The following RORA variants were observed in gnomAD, a reference collection of about 807,000 sequenced individuals.
The protein encoded by RORA is RAR related orphan receptor A.
RORA carries 7 observed loss-of-function variants against 69.5 expected under a neutral mutation model. That is an observed-to-expected ratio of 0.10 (90% CI 0.06 to 0.19). RORA has a LOEUF of 0.19. Among genes scored for constraint, RORA ranks in the 10% least tolerant of loss-of-function variants. The pLI, the probability that RORA is intolerant of heterozygous loss-of-function variation, is 1.00. For synonymous variants in RORA, 261 were observed against 240.8 expected, an observed-to-expected ratio of 1.08 and a Z score of -0.78; for missense variants, 457 against 663.0, an observed-to-expected ratio of 0.69 and a Z score of 3.41.
chr15:61,229,097 G>A lies in RORA; in HGVS notation c.122C>T (p.Pro41Leu). The A allele has an allele frequency of 6.5e-7, 1 of 1,539,720 alleles. No homozygotes were observed. Among genetic ancestry groups the A allele is most frequent in the Non-Finnish European group, 8.7e-7 (1 of 1,143,454 alleles). The change falls in exon 1 of 11, where the codon CCG (proline) becomes CTG (leucine). Residue 41 changes from proline (P) to leucine (L), a missense_variant. By Grantham distance (98) the Pro-to-Leu change is moderately conservative (BLOSUM62 -3). This residue lies in a region of RORA where 119 missense variants were observed against 92.4 expected (regional missense o/e 1.29). Transcript: ENST00000335670. ...GCTCTGTCTGCGCACCGGGGCAGGCGGCTCGCTCTTGCGGGCGGATTCCTG... is the reference window on the plus strand; with the variant it reads ...GCTCTGTCTGCGCACCGGGGCAGGCAGCTCGCTCTTGCGGGCGGATTCCTG... ...LNQESARKSE[P>L]PAPVRRQSYS...
intron 1 of RORA, among the ~76,000 whole-genome samples, chr15:60,825,577 C>T (rs901519300): frequency 4.6e-5 from 7 of 152,132 alleles, no homozygotes; most frequent in African/African-American, 1.7e-4. Flanking sequence ...AGCATATACA[C>T]AGTCAGCACC....
intron 1 of RORA, among the ~76,000 whole-genome samples, chr15:60,975,906 G>T (rs72752797): frequency 0.029 from 4,407 of 152,292 alleles, 99 homozygotes; most frequent in Middle Eastern, 0.095. Context: ...TCTCAGCTAA[G>T]AGTTGGCATT....
At chr15:60,715,794 A>G (rs1407688639) in intron 1 of RORA, among the ~76,000 whole-genome samples, 1 of 152,198 alleles carries the variant, frequency 6.6e-6, no homozygotes, top group Non-Finnish European at 1.5e-5. Flanking sequence ...ACCATTTAAT[A>G]GCCAAAAATC....
At chr15:61,179,998 G>A (rs1019540056) in intron 1 of RORA, among the ~76,000 whole-genome samples, 6 of 148,284 alleles carry the variant, frequency 4.0e-5, no homozygotes, top group Admixed American at 6.7e-5. Context: ...AAAAAAAATA[G>A]CTGGGTGTGG....
chr15:60,774,667 A>C (rs547189106), intron 1 of RORA, among the ~76,000 whole-genome samples: 1 of 152,270 alleles, frequency 6.6e-6, no homozygotes, highest in African/African-American at 2.4e-5. Context: ...ATCTTCCTTT[A>C]CACTAAACTC....
intron 2 of RORA, among the ~76,000 whole-genome samples, chr15:60,617,373 C>T (rs2069272645): frequency 2.0e-5 from 3 of 152,116 alleles, no homozygotes; most frequent in African/African-American, 7.2e-5. Context: ...CCTATTTTTA[C>T]CACAGAAACA....
intron 1 of RORA, among the ~76,000 whole-genome samples, chr15:60,953,667 T>G (rs1418573770): frequency 2.7e-5 from 4 of 148,466 alleles, no homozygotes; most frequent in Non-Finnish European, 1.5e-5. Context: ...AAGACATTTA[T>G]GCAGCCAAAA....
chr15:61,008,203 C>CTCTGTGTG (rs3222396), intron 1 of RORA, among the ~76,000 whole-genome samples: 8 of 135,058 alleles, frequency 5.9e-5, no homozygotes, highest in African/African-American at 2.2e-4. Context: ...CTCTCTCTCT[C>CTCTGTGTG]TGTGTGTGTG....
At chr15:60,966,972 G>A (rs1356265267) in intron 1 of RORA, among the ~76,000 whole-genome samples, 1 of 152,086 alleles carries the variant, frequency 6.6e-6, no homozygotes, top group Admixed American at 6.5e-5. Context: ...CCACTCTTCT[G>A]CCACCTCAGC....
chr15:60,972,753 A>G (rs74019978), intron 1 of RORA, among the ~76,000 whole-genome samples: 2,545 of 152,300 alleles, frequency 0.017, 73 homozygotes, highest in African/African-American at 0.058. Flanking sequence ...TAATAATATT[A>G]CTTACTACAT....
intron 5 of RORA, among the ~76,000 whole-genome samples, chr15:60,508,790 A>G (rs758842017): frequency 2.0e-4 from 30 of 152,338 alleles, no homozygotes; most frequent in Admixed American, 6.5e-4. Context: ...TTTGCCCAGT[A>G]TATCAGCTGT....
At chr15:61,141,374 T>C (rs2079296936) in intron 1 of RORA, among the ~76,000 whole-genome samples, 1 of 152,180 alleles carries the variant, frequency 6.6e-6, no homozygotes, top group Non-Finnish European at 1.5e-5. Flanking sequence ...AATACACATG[T>C]TATGTAATCT....
intron 2 of RORA, among the ~76,000 whole-genome samples, chr15:60,625,638 T>G (rs1228796755): frequency 1.3e-5 from 2 of 152,236 alleles, no homozygotes; most frequent in African/African-American, 4.8e-5. Flanking sequence ...ACAAGGAAAT[T>G]GTGTACGAAA....
chr15:60,613,580 T>C (rs1021890024), intron 2 of RORA, among the ~76,000 whole-genome samples: 1 of 152,092 alleles, frequency 6.6e-6, no homozygotes, highest in Non-Finnish European at 1.5e-5. Context: ...GCCCACCAGA[T>C]TGCCAGGCAC....
At chr15:60,601,536 G>T (rs2068808975) in intron 2 of RORA, among the ~76,000 whole-genome samples, 1 of 152,104 alleles carries the variant, frequency 6.6e-6, no homozygotes, top group African/African-American at 2.4e-5. Context: ...GTTCCTAAAA[G>T]ACTCCAAACC....
At chr15:61,064,676 G>C (rs2078232939) in intron 1 of RORA, among the ~76,000 whole-genome samples, 1 of 152,168 alleles carries the variant, frequency 6.6e-6, no homozygotes, top group African/African-American at 2.4e-5. Flanking sequence ...GGATAGCTTT[G>C]GTGGAGACAA....
intron 1 of RORA, among the ~76,000 whole-genome samples, chr15:60,826,203 C>T (rs1271850451): frequency 6.6e-6 from 1 of 152,130 alleles, no homozygotes; most frequent in Admixed American, 6.5e-5. Flanking sequence ...AGTACTGGCA[C>T]ATGCTTGGCA....
At chr15:60,600,170 AAAGAT>A in intron 2 of RORA, among the ~76,000 whole-genome samples, 1 of 152,326 alleles carries the variant, frequency 6.6e-6, no homozygotes, top group East Asian at 1.9e-4. Context: ...ATAATGGAGA[AAAGAT>A]AAGCGGTTAC....
In RORA at chr15:60,534,908, T is replaced by C. The variant is rs1194170411; in HGVS notation, c.197-3057A>G. Among the ~76,000 whole-genome samples the C allele has an allele frequency of 6.6e-6, 1 of 152,116 alleles. No homozygotes were observed. The highest frequency in any genetic ancestry group is 1.5e-5 in the Non-Finnish European group (1 of 68,016). ...TTTTAGTCAATTTCCAGAATTCAAATGAATCCATGAGAAAAAAATGCAGTC... is the reference window on the plus strand; with the variant it reads ...TTTTAGTCAATTTCCAGAATTCAAACGAATCCATGAGAAAAAAATGCAGTC... On this transcript the variant is annotated intron_variant, in intron 2 of 10. Coordinates refer to ENST00000335670, the MANE Select transcript of RORA (RefSeq NM_134261.3). This position sits in a 1 kb window ranked among gnomAD's most constrained non-coding sequence, Gnocchi z 5.0.
Sources: allele counts gnomAD v4.1 joint callset (sites outside exome capture counted in the v4.1 genomes callset), GRCh38; gene constraint gnomAD v4.1.1; regional missense constraint gnomAD v4.1.1; non-coding constraint Gnocchi (gnomAD v3.1); transcripts MANE v1.5; gene names NCBI Gene and HGNC (gene_info 2026-07-23, HGNC 2026-07-21).